Variants in NPC1L1 observed in about 807,000 individuals in gnomAD.
NPC1L1 encodes NPC1 like intracellular cholesterol transporter 1.
NPC1L1 carries 98 observed loss-of-function variants against 117.0 expected under a neutral mutation model. That is an observed-to-expected ratio of 0.84 (90% confidence interval 0.71 to 0.99). The LOEUF (loss-of-function observed/expected upper bound fraction) is 0.99, where lower values mean the gene tolerates loss of function less well. NPC1L1 is among the 50% of genes least tolerant of loss of function. NPC1L1 has a pLI of 0.00. For missense variants in NPC1L1, 1,540 were observed against 1,710.0 expected (o/e 0.90, Z 1.75); for synonymous variants, 729 against 727.6 (o/e 1.00, Z -0.03).
Position 44,536,849 on chromosome 7 carries a change from C to A in NPC1L1, c.1674G>T (p.Gly558=), listed in dbSNP as rs200935004. The part of the protein sequence containing the change: ...APVFPFLAIG[G]YKGKDYSEAE... ...AGGGCCCACTTAGCTTACCTTTGTA[C>A]CCCCCAATGGCAAGGAAGGGGAAGA... The change falls in exon 3 of 19, where the codon GGG becomes GGT. Residue 558 remains glycine (G), a synonymous_variant. Coordinates refer to ENST00000381160, the MANE Select transcript of NPC1L1 (RefSeq NM_001101648.2). This position sits in a 1 kb window ranked among gnomAD's most constrained non-coding sequence, Gnocchi z 4.7. 2.1e-5 allele frequency: 34 copies of A among 1,612,098 alleles called. No homozygotes were observed. Among genetic ancestry groups the A allele is most frequent in the African/African-American group, 9.3e-5 (7 of 74,876 alleles).
intron 15 of NPC1L1, 66 bp from the exon 16 acceptor site, chr7:44,517,000 C>T: frequency 6.6e-7 from 1 of 1,505,962 alleles, no homozygotes; most frequent in Admixed American, 1.8e-5. Context: ...GTGGGACACC[C>T]CACTTCAGAA....
intron 2 of NPC1L1, among the ~76,000 whole-genome samples, chr7:44,537,631 C>T (rs767298595): frequency 5.3e-5 from 8 of 152,204 alleles, no homozygotes; most frequent in African/African-American, 2.4e-5. Flanking sequence ...TCTCAGCAAG[C>T]GAGTGCTGGT....
intron 14 of NPC1L1, among the ~76,000 whole-genome samples, chr7:44,520,296 G>T (rs968161477): frequency 6.6e-6 from 1 of 151,970 alleles, no homozygotes; most frequent in Non-Finnish European, 1.5e-5. Context: ...AAAAAAAGAG[G>T]GTCTCCCTAC....
Position 44,513,654 on chromosome 7 carries a change from GGA to G in NPC1L1, c.3797-7_3797-6del, listed in dbSNP as rs551386034. On this transcript the variant is annotated splice_polypyrimidine_tract_variant and splice_region_variant and intron_variant, in intron 18 of 18. Coordinates refer to ENST00000381160, the MANE Select transcript of NPC1L1 (RefSeq NM_001101648.2). ...GAGCCGGGTTAACGTCAGGCCCTGC[GGA>G]GAGACAGAGAACCACAGTCAGAGAG... is the stretch of plus-strand genomic sequence containing the variant. 946 of 1,611,746 alleles carry G rather than the reference GGA, an allele frequency of 5.9e-4. 6 individuals carry two copies. In the African/African-American group the frequency reaches 0.011, roughly 19 times the overall value.
Position 44,534,317 on chromosome 7 carries a change from A to G in NPC1L1, c.2166+130T>C, listed in dbSNP as rs1319963299. 2.3e-6 allele frequency: 2 copies of G among 864,388 alleles called. No individual in the cohort carries two copies. Among genetic ancestry groups the G allele is most frequent in the African/African-American group, 1.6e-5 (1 of 60,608 alleles). The allele number at this position is 864,388 out of a possible 1,614,324, so 53.5% of individuals were successfully genotyped here. A position where few individuals can be genotyped will look rare whatever the true frequency, so the allele number is the denominator to read the frequency against. ...TCTAGTTTCTACAGATATTGTAAAC[A>G]TGCGTGTCGATGAACAGAAAGAGTC... is the stretch of plus-strand genomic sequence containing the variant. On this transcript the variant is annotated intron_variant, in intron 6 of 18. Transcript: ENST00000381160. The surrounding 1 kb of genome is among the most constrained non-coding windows in gnomAD (Gnocchi z 5.2).
chr7:44,532,216 G>A lies in NPC1L1; in HGVS notation c.2411C>T (p.Ala804Val), dbSNP rs141148169. 1.9e-6 allele frequency: 3 copies of A among 1,613,540 alleles called. No individual in the cohort carries two copies. The highest frequency in any genetic ancestry group is 2.5e-6 in the Non-Finnish European group (3 of 1,179,940). The change falls in exon 9 of 19, where the codon GCC (alanine) becomes GTC (valine). Residue 804 changes from alanine to valine, a missense_variant and splice_region_variant. This residue lies in a region of NPC1L1 where 742 missense variants were observed against 873.6 expected (regional missense o/e 0.85). Transcript: ENST00000381160. ...LLSLDSKRQE[A>V]SRLDVCCCVK... ...ACAGCAGCAGACGTCCAACCGGGAG[G>A]CCTGGAGTGGGAGGCACCCCCTCAA... is the stretch of plus-strand genomic sequence containing the variant.
intron 18 of NPC1L1, among the ~76,000 whole-genome samples, chr7:44,515,226 C>A (rs1192058240): frequency 6.6e-6 from 1 of 151,818 alleles, no homozygotes; most frequent in Non-Finnish European, 1.5e-5. Flanking sequence ...TGGTGGTGTG[C>A]ACCTGTGGTC....
At chr7:44,528,985 T>C (rs1182193760) in intron 10 of NPC1L1, among the ~76,000 whole-genome samples, 1 of 151,262 alleles carries the variant, frequency 6.6e-6, no homozygotes, top group Non-Finnish European at 1.5e-5. Flanking sequence ...GCAGGAGAAT[T>C]GCTTGAACCC....
intron 9 of NPC1L1, 46 bp downstream of exon 9, chr7:44,532,034 T>A (rs749039114): frequency 6.2e-7 from 1 of 1,612,962 alleles, no homozygotes. Flanking sequence ...TGAGGCGAGG[T>A]CCCCACCTAG....
intron 14 of NPC1L1, among the ~76,000 whole-genome samples, chr7:44,517,931 C>A (rs1286823803): frequency 6.6e-6 from 1 of 151,902 alleles, no homozygotes; most frequent in Non-Finnish European, 1.5e-5. Flanking sequence ...GCCTGCCCAA[C>A]ATGGTGAAAC....
Position 44,520,682 on chromosome 7 carries a change from G to A in NPC1L1, c.3136+83C>T, listed in dbSNP as rs1045255684. On this transcript the variant is annotated intron_variant, in intron 14 of 18. Transcript: ENST00000381160. Reference sequence around the variant, plus strand: ...TCCTGACAAAGGAGGGAGACAACATGTGACAGGCTGTTCCCTGGGGTTTTC... The same window carrying A: ...TCCTGACAAAGGAGGGAGACAACATATGACAGGCTGTTCCCTGGGGTTTTC... The A allele has an allele frequency of 4.7e-5, 55 of 1,173,648 alleles. No individual in the cohort carries two copies. The Admixed American group carries it at 8.6e-4, about 18-fold the overall frequency. 72.7% of individuals were successfully genotyped at this position (1,173,648 alleles called of 1,614,324 possible).
chr7:44,530,325 T>A (rs1157365901), intron 10 of NPC1L1, among the ~76,000 whole-genome samples: 1 of 151,714 alleles, frequency 6.6e-6, no homozygotes. Context: ...GCAACAAGAG[T>A]GAAACTCTGT....
Position 44,533,862 on chromosome 7 carries a change from G to A in NPC1L1, c.2167-9C>T. 4 of 1,604,050 alleles carry A rather than the reference G, an allele frequency of 2.5e-6. No homozygotes were observed. Among genetic ancestry groups the A allele is most frequent in the Non-Finnish European group, 3.4e-6 (4 of 1,175,036 alleles). ...GGCCTCCGGGGCAGCCTCTGTGTGGGAACAGCAGGGATAAGAGCCAGGGCC... is the reference window on the plus strand; with the variant it reads ...GGCCTCCGGGGCAGCCTCTGTGTGGAAACAGCAGGGATAAGAGCCAGGGCC... On this transcript the variant is annotated splice_polypyrimidine_tract_variant and intron_variant, in intron 6 of 18. Coordinates refer to ENST00000381160, the MANE Select transcript of NPC1L1 (RefSeq NM_001101648.2).
chr7:44,517,461 C>T (rs567716065), intron 14 of NPC1L1, 104 bp from the exon 15 acceptor site: 14 of 1,410,508 alleles, frequency 9.9e-6, no homozygotes, highest in East Asian at 2.3e-5. Context: ...TGTGATCAAG[C>T]GGGGTTCAGG....
chr7:44,532,886 CT>C (rs1391614179), intron 8 of NPC1L1, among the ~76,000 whole-genome samples: 2 of 152,124 alleles, frequency 1.3e-5, no homozygotes, highest in Non-Finnish European at 2.9e-5. Context: ...GGCAGATCAC[CT>C]GAGGTCAGGA....
intron 2 of NPC1L1, among the ~76,000 whole-genome samples, chr7:44,537,209 C>T (rs778063944): frequency 6.6e-6 from 1 of 152,252 alleles, no homozygotes; most frequent in Non-Finnish European, 1.5e-5. Context: ...GCCCTGAGTG[C>T]CTTCTCTGTG....
rs780893238 is a variant in NPC1L1 at position 44,522,259 on chromosome 7, G to T, written c.2638-17C>A. ...GTACGAGTCCTAGGAGTGGAGGAGGGTCAGTGAGCTTTGGTTCGCTATGCA... is the reference window on the plus strand; with the variant it reads ...GTACGAGTCCTAGGAGTGGAGGAGGTTCAGTGAGCTTTGGTTCGCTATGCA... On this transcript the variant is annotated splice_polypyrimidine_tract_variant and intron_variant, in intron 10 of 18. Transcript: ENST00000381160. 1 of 1,609,008 alleles carries T rather than the reference G, an allele frequency of 6.2e-7. No individual in the cohort carries two copies. Among genetic ancestry groups the T allele is most frequent in the Non-Finnish European group, 8.5e-7 (1 of 1,178,124 alleles).
At chr7:44,520,695 C>A in intron 14 of NPC1L1, 70 bp downstream of exon 14, 2 of 1,305,996 alleles carry the variant, frequency 1.5e-6, no homozygotes, top group Non-Finnish European at 2.2e-6. Context: ...ACAGGCTGTT[C>A]CCTGGGGTTT....
At chr7:44,533,105 CAAAA>C in intron 8 of NPC1L1, 2 of 254,348 alleles carry the variant, frequency 7.9e-6, no homozygotes, top group African/African-American at 2.5e-5. Flanking sequence ...AACTCCGTCT[CAAAA>C]AAAAAAAAAG....
Sources: allele counts gnomAD v4.1 joint callset (sites outside exome capture counted in the v4.1 genomes callset), GRCh38; gene constraint gnomAD v4.1.1; regional missense constraint gnomAD v4.1.1; non-coding constraint Gnocchi (gnomAD v3.1); transcripts MANE v1.5; gene names NCBI Gene and HGNC (gene_info 2026-07-23, HGNC 2026-07-21).